Variants in GRIK4 observed in about 807,000 individuals in gnomAD.
GRIK4 encodes glutamate ionotropic receptor kainate type subunit 4, also known as glutamate receptor ionotropic, kainate 4.
A neutral mutation model predicts 104.9 loss-of-function variants in GRIK4; 40 were observed. The observed-to-expected ratio is 0.38, with a 90% confidence interval of 0.30 to 0.50. The LOEUF (loss-of-function observed/expected upper bound fraction) is 0.50, where lower values mean the gene tolerates loss of function less well. Ranked by LOEUF, GRIK4 falls within the 20% of genes least tolerant of loss-of-function variation. The probability of loss-of-function intolerance (pLI) is 0.93; values close to 1 mark genes in which losing one functional copy is unlikely to be tolerated. For synonymous variants in GRIK4, 485 were observed against 524.9 expected, an observed-to-expected ratio of 0.92 and a Z score of 1.04; for missense variants, 1,047 against 1,308.1, an observed-to-expected ratio of 0.80 and a Z score of 3.08.
chr11:120,759,336 C>A lies in GRIK4; in HGVS notation c.83-43357C>A, dbSNP rs115422087. Reference sequence around the variant, plus strand: ...TAGGAGGTCTAGAGGCAGGCAGGGGCCAGGGAGGCTGTCAGCATTGTTTGT... The same window carrying A: ...TAGGAGGTCTAGAGGCAGGCAGGGGACAGGGAGGCTGTCAGCATTGTTTGT... On this transcript the variant is annotated intron_variant, in intron 3 of 20. Transcript: ENST00000527524. 5.2e-3 allele frequency among the ~76,000 whole-genome samples: 785 copies of A among 152,272 alleles called. 5 individuals carry two copies. The highest frequency in any genetic ancestry group is 0.018 in the African/African-American group (766 of 41,550).
intron 12 of GRIK4, among the ~76,000 whole-genome samples, chr11:120,900,132 A>G (rs1274316104): frequency 6.6e-6 from 1 of 152,228 alleles, no homozygotes; most frequent in Non-Finnish European, 1.5e-5. Flanking sequence ...GCCTTCAGGA[A>G]AGAAGGGGCA....
At chr11:120,962,795 A>G (rs1453339697) in intron 18 of GRIK4, 114 bp downstream of exon 18, 1 of 665,042 alleles carries the variant, frequency 1.5e-6, no homozygotes, top group East Asian at 2.7e-5. Flanking sequence ...GAACCAGTTT[A>G]ACAGTGACTT....
In GRIK4 at chr11:120,771,728, GA is replaced by G. The variant is rs1056846668; in HGVS notation, c.83-30964del. Among the ~76,000 whole-genome samples the G allele has an allele frequency of 4.0e-4, 61 of 152,340 alleles. 1 individual carries two copies. The highest frequency in any genetic ancestry group is 1.4e-3 in the African/African-American group (59 of 41,560). On this transcript the variant is annotated intron_variant, in intron 3 of 20. Transcript: ENST00000527524. ...AGAATGACCCATAAGACATTTCAGG[GA>G]TCATCAGCACTTATCTCCATCACTA...
intron 6 of GRIK4, among the ~76,000 whole-genome samples, chr11:120,824,537 C>CT (rs967209826): frequency 1.6e-4 from 22 of 141,812 alleles, no homozygotes; most frequent in South Asian, 2.3e-4. Context: ...TTTTTTCCTT[C>CT]TTTTTTTTTT....
At chr11:120,690,878 A>G (rs1332831362) in intron 3 of GRIK4, among the ~76,000 whole-genome samples, 1 of 152,176 alleles carries the variant, frequency 6.6e-6, no homozygotes, top group Admixed American at 6.5e-5. Context: ...TCTGTCTCGC[A>G]TATTTATGGG....
At chr11:120,630,143 C>G (rs923267023) in intron 1 of GRIK4, among the ~76,000 whole-genome samples, 5 of 152,176 alleles carry the variant, frequency 3.3e-5, no homozygotes, top group African/African-American at 1.2e-4. Context: ...CTAGCCCAGC[C>G]CAGCTGCAGG....
rs772313145 is a variant in GRIK4, at chr11:120,861,928, C to T, written c.745-31C>T. 2.5e-6 allele frequency: 4 copies of T among 1,580,308 alleles called. 1 individual carries two copies. Among genetic ancestry groups the T allele is most frequent in the African/African-American group, 2.7e-5 (2 of 74,324 alleles). On this transcript the variant is annotated intron_variant, in intron 8 of 20. Coordinates refer to ENST00000527524, the MANE Select transcript of GRIK4 (RefSeq NM_014619.5). ...CCCTCACTTCACCCCTTCCTAACTACATTCTTATTTCTGATGCTGGGTCTT... is the reference window on the plus strand; with the variant it reads ...CCCTCACTTCACCCCTTCCTAACTATATTCTTATTTCTGATGCTGGGTCTT...
At chr11:120,597,896 C>T (rs371125410) in intron 1 of GRIK4, among the ~76,000 whole-genome samples, 2 of 152,094 alleles carry the variant, frequency 1.3e-5, no homozygotes, top group Admixed American at 6.5e-5. Flanking sequence ...ACTCCTGTTC[C>T]GAGCCCTAAT....
At chr11:120,743,584 T>C (rs2135412326) in intron 3 of GRIK4, among the ~76,000 whole-genome samples, 1 of 152,298 alleles carries the variant, frequency 6.6e-6, no homozygotes, top group African/African-American at 2.4e-5. Context: ...ATAAAAGTTT[T>C]TTTTAAAAAA....
At chr11:120,765,074 C>T (rs180941340) in intron 3 of GRIK4, among the ~76,000 whole-genome samples, 1 of 152,252 alleles carries the variant, frequency 6.6e-6, no homozygotes, top group Non-Finnish European at 1.5e-5. Flanking sequence ...TCCATTCTCC[C>T]CGTCACTTTC....
At chr11:120,795,323 C>T (rs981093377) in intron 3 of GRIK4, among the ~76,000 whole-genome samples, 1 of 152,114 alleles carries the variant, frequency 6.6e-6, no homozygotes, top group East Asian at 1.9e-4. Context: ...AGCCCCAGTC[C>T]AGTTTACCCA....
chr11:120,877,578 T>G (rs1954853697), intron 11 of GRIK4, among the ~76,000 whole-genome samples: 2 of 152,214 alleles, frequency 1.3e-5, no homozygotes, highest in Admixed American at 6.5e-5. Context: ...CTTTGTTGAT[T>G]GCCTATTATG....
At chr11:120,635,677 G>A (rs1416762915) in intron 1 of GRIK4, among the ~76,000 whole-genome samples, 1 of 152,212 alleles carries the variant, frequency 6.6e-6, no homozygotes. Flanking sequence ...AAGGGCATGA[G>A]GTCACCAGGT....
At position 120,871,874 on chromosome 11, in the gene GRIK4, G is replaced by A. The variant is rs140653635; in HGVS notation, c.907-2192G>A. 3,498 of 456,266 alleles carry A rather than the reference G, an allele frequency of 7.7e-3. 44 individuals are homozygous for A. The highest frequency in any genetic ancestry group is 0.016 in the Middle Eastern group (48 of 3,076). 28.3% of individuals were successfully genotyped at this position (456,266 alleles called of 1,614,324 possible). On this transcript the variant is annotated intron_variant, in intron 9 of 20. Coordinates refer to ENST00000527524, the MANE Select transcript of GRIK4 (RefSeq NM_014619.5). ...TTGTGATGCGGGTGAACTTGGACTGGAACAGACAAACTTTGTTGACTGTTT... is the reference window on the plus strand; with the variant it reads ...TTGTGATGCGGGTGAACTTGGACTGAAACAGACAAACTTTGTTGACTGTTT...
intron 1 of GRIK4, among the ~76,000 whole-genome samples, chr11:120,577,489 A>G (rs1591708154): frequency 1.3e-5 from 2 of 151,448 alleles, no homozygotes; most frequent in Admixed American, 1.3e-4. Context: ...CTTTTTCTCC[A>G]CTAGCCTCTT....
chr11:120,844,197 A>G (rs1953794591), intron 8 of GRIK4, among the ~76,000 whole-genome samples: 1 of 152,108 alleles, frequency 6.6e-6, no homozygotes, highest in African/African-American at 2.4e-5. Context: ...GAGAATGCAC[A>G]CAGCCCCACT....
At chr11:120,814,711 G>A (rs893211994) in intron 4 of GRIK4, among the ~76,000 whole-genome samples, 1 of 152,192 alleles carries the variant, frequency 6.6e-6, no homozygotes. Flanking sequence ...CAGATGCCAG[G>A]CATGCTGGTC....
At chr11:120,768,793 A>G (rs1951887410) in intron 3 of GRIK4, among the ~76,000 whole-genome samples, 1 of 152,194 alleles carries the variant, frequency 6.6e-6, no homozygotes, top group Non-Finnish European at 1.5e-5. Context: ...ACCAGTTGAG[A>G]TGATTGTGTG....
intron 1 of GRIK4, among the ~76,000 whole-genome samples, chr11:120,523,704 C>T (rs1947823483): frequency 6.6e-6 from 1 of 152,168 alleles, no homozygotes; most frequent in South Asian, 2.1e-4. Flanking sequence ...CTGCCTTCGT[C>T]TCTTTAGCCA....
Sources: gnomAD v4.1 joint callset for allele counts (sites outside exome capture counted in the v4.1 genomes callset) on GRCh38, gnomAD v4.1.1 for gene constraint, MANE v1.5 for transcripts, NCBI Gene and HGNC (gene_info 2026-07-23, HGNC 2026-07-21) for gene names.